STK32B: variants seen among roughly 807,000 people sequenced by gnomAD.
STK32B encodes serine/threonine kinase 32B.
Under a neutral mutation model 52.6 loss-of-function variants are expected in STK32B, and 43 were observed. The ratio of observed to expected loss-of-function variants is 0.82; its 90% CI spans 0.64 to 1.05. The LOEUF (loss-of-function observed/expected upper bound fraction) is 1.05, where lower values mean the gene tolerates loss of function less well. Among genes scored for constraint, STK32B ranks in the 50% least tolerant of loss-of-function variants. The pLI, the probability that STK32B is intolerant of heterozygous loss-of-function variation, is 0.00. For synonymous variants in STK32B, 238 were observed against 204.3 expected, an observed-to-expected ratio of 1.17 and a Z score of -1.41; for missense variants, 621 against 534.6, an observed-to-expected ratio of 1.16 and a Z score of -1.59.
intron 3 of STK32B, among the ~76,000 whole-genome samples, chr4:5,275,111 C>G (rs1307999029): frequency 6.6e-6 from 1 of 152,224 alleles, no homozygotes; most frequent in Non-Finnish European, 1.5e-5. Flanking sequence ...GAACAGGAGG[C>G]TTGCCATCAT....
intron 3 of STK32B, among the ~76,000 whole-genome samples, chr4:5,203,556 C>T (rs573163835): frequency 6.6e-6 from 1 of 152,248 alleles, no homozygotes; most frequent in South Asian, 2.1e-4. Flanking sequence ...TTGGGCCCTG[C>T]TTTTGATTAG....
chr4:5,170,034 A>G (rs1719232222), intron 3 of STK32B, among the ~76,000 whole-genome samples: 1 of 152,196 alleles, frequency 6.6e-6, no homozygotes. Context: ...TTTGTAAATC[A>G]TTTTTAATGG....
At chr4:5,052,245 C>T (rs368667451) in intron 1 of STK32B, among the ~76,000 whole-genome samples, 1 of 152,024 alleles carries the variant, frequency 6.6e-6, no homozygotes, top group Non-Finnish European at 1.5e-5. Context: ...GTTCTAGGCT[C>T]GGGCTCCCCA....
At chr4:5,147,657 T>C (rs1717016432) in intron 2 of STK32B, among the ~76,000 whole-genome samples, 1 of 152,076 alleles carries the variant, frequency 6.6e-6, no homozygotes, top group Admixed American at 6.6e-5. Context: ...TCAAATACTT[T>C]TTGTGCATTG....
intron 5 of STK32B, among the ~76,000 whole-genome samples, chr4:5,414,955 T>A (rs781413418): frequency 6.6e-6 from 1 of 152,222 alleles, no homozygotes; most frequent in Non-Finnish European, 1.5e-5. Flanking sequence ...GGCTTCATAG[T>A]CCTCTTCCAA....
chr4:5,066,255 A>G (rs1373855708), intron 1 of STK32B, among the ~76,000 whole-genome samples: 14 of 152,130 alleles, frequency 9.2e-5, no homozygotes, highest in Non-Finnish European at 1.6e-4. Context: ...CACAAATCCA[A>G]TTAAGCACCT....
chr4:5,241,341 T>C (rs2108817468), intron 3 of STK32B, among the ~76,000 whole-genome samples: 1 of 152,280 alleles, frequency 6.6e-6, no homozygotes, highest in East Asian at 1.9e-4. Context: ...TGTACCATTA[T>C]TTTCGTTTAC....
chr4:5,112,970 T>C (rs1714487007), intron 1 of STK32B, among the ~76,000 whole-genome samples: 1 of 152,168 alleles, frequency 6.6e-6, no homozygotes, highest in South Asian at 2.1e-4. Flanking sequence ...GCAAATATGC[T>C]ACTTCTTAAG....
chr4:5,072,284 A>C (rs1711829419), intron 1 of STK32B, among the ~76,000 whole-genome samples: 1 of 152,080 alleles, frequency 6.6e-6, no homozygotes, highest in South Asian at 2.1e-4. Context: ...CCACATTTAC[A>C]TTGTTACATG....
intron 3 of STK32B, among the ~76,000 whole-genome samples, chr4:5,328,332 C>T (rs866337548): frequency 5.9e-5 from 9 of 152,338 alleles, no homozygotes; most frequent in Middle Eastern, 3.4e-3. Context: ...CCTATCTTGG[C>T]ATTTGGCATG....
chr4:5,328,276 C>A (rs1408199869), intron 3 of STK32B, among the ~76,000 whole-genome samples: 1 of 152,198 alleles, frequency 6.6e-6, no homozygotes. Flanking sequence ...ATTTCCTTTG[C>A]ATTTATAACT....
intron 1 of STK32B, among the ~76,000 whole-genome samples, chr4:5,128,279 G>C (rs954891776): frequency 4.6e-5 from 7 of 152,300 alleles, no homozygotes; most frequent in African/African-American, 1.7e-4. Context: ...AACTGTCCTA[G>C]GAAACGTATA....
At chr4:5,375,649 G>A (rs369532966) in intron 4 of STK32B, among the ~76,000 whole-genome samples, 17 of 152,288 alleles carry the variant, frequency 1.1e-4, no homozygotes, top group African/African-American at 3.8e-4. Context: ...GAGTTATTGT[G>A]AAGTTTCCTC....
At chr4:5,316,877 A>T (rs867049076) in intron 3 of STK32B, among the ~76,000 whole-genome samples, 7 of 4,306 alleles carry the variant, frequency 1.6e-3, no homozygotes, top group Admixed American at 4.5e-3. Context: ...ATTATATATA[A>T]TATATTATAT....
At chr4:5,042,143 T>C in the STK32B span, among the ~76,000 whole-genome samples, 1 of 152,228 alleles carries the variant, frequency 6.6e-6, no homozygotes, top group South Asian at 2.1e-4. Flanking sequence ...CTCATGTACA[T>C]GTAAGTCAGA....
chr4:5,390,810 T>TG (rs1376735247), intron 4 of STK32B, among the ~76,000 whole-genome samples: 1 of 152,062 alleles, frequency 6.6e-6, no homozygotes, highest in Non-Finnish European at 1.5e-5. Flanking sequence ...TTGGTTCTCC[T>TG]GGAAGCTCTG....
At chr4:5,232,783 A>C (rs60435573) in intron 3 of STK32B, among the ~76,000 whole-genome samples, 24,640 of 152,096 alleles carry the variant, frequency 0.16, 2,775 homozygotes, top group African/African-American at 0.3. Context: ...GGTCCACTCT[A>C]CACCTGCTTC....
chr4:5,468,215 G>A (rs139850850), intron 11 of STK32B, 145 bp downstream of exon 11: 3 of 767,086 alleles, frequency 3.9e-6, no homozygotes, highest in East Asian at 5.3e-5. Context: ...GGGCTCTGGT[G>A]GGGGGTGAAA....
intron 3 of STK32B, among the ~76,000 whole-genome samples, chr4:5,290,504 A>G (rs1728831251): frequency 2.0e-5 from 3 of 152,208 alleles, no homozygotes. Context: ...GGCTGATAAT[A>G]ATCTTTATCT....
Sources: allele counts gnomAD v4.1 joint callset (sites outside exome capture counted in the v4.1 genomes callset), GRCh38; gene constraint gnomAD v4.1.1; transcripts MANE v1.5; gene names NCBI Gene and HGNC (gene_info 2026-07-23, HGNC 2026-07-21).